TMEM184A: variants seen among roughly 807,000 people sequenced by gnomAD.
TMEM184A encodes sexually dimorphic, expressed in male gonads 1.
In TMEM184A, 40 loss-of-function variants were observed where a neutral mutation model predicts 39.5. That is an observed-to-expected ratio of 1.01 (90% CI 0.79 to 1.32). The LOEUF (loss-of-function observed/expected upper bound fraction) is 1.32, where lower values mean the gene tolerates loss of function less well. TMEM184A is among the 40% of genes most tolerant of loss of function. The pLI is 0.00. For missense variants in TMEM184A, 603 were observed against 568.8 expected, an observed-to-expected ratio of 1.06 and a Z score of -0.61; for synonymous variants, 280 against 252.3, an observed-to-expected ratio of 1.11 and a Z score of -1.04.
chr7:1,548,116 G>A (rs949445431), intron 7 of TMEM184A, among the ~76,000 whole-genome samples, 177 bp from the exon 8 acceptor site: 6 of 152,260 alleles, frequency 3.9e-5, no homozygotes, highest in East Asian at 1.9e-4. Flanking sequence ...CGGGGGTCTC[G>A]GCACAGCAGG....
Position 1,547,038 on chromosome 7 carries a change from C to G in TMEM184A, c.1156G>C (p.Gly386Arg). 6.2e-7 allele frequency: 1 copy of G among 1,606,242 alleles called. No individual in the cohort carries two copies. The highest frequency in any genetic ancestry group is 8.5e-7 in the Non-Finnish European group (1 of 1,179,232). The part of the protein sequence containing the change: ...QQATHEAPRP[G>R]THPSGGSGGS... ...CCGGAGCCGCCGCTGGGGTGGGTGC[C>G]GGGCCTGGGCGCCTCGTGCGTGGCC... Residue 386 changes from glycine (G) to arginine (R), a missense_variant, in exon 9 of 9, where the codon GGC (glycine) becomes CGC (arginine). Transcript: ENST00000297477.
rs763791717 is a variant in TMEM184A at position 1,555,524 on chromosome 7, G to A, written c.1-40C>T. 2.0e-6 allele frequency: 3 copies of A among 1,525,046 alleles called. No homozygotes were observed. Among genetic ancestry groups the A allele is most frequent in the South Asian group, 1.1e-5 (1 of 89,678 alleles). 94.5% of individuals were successfully genotyped at this position (1,525,046 alleles called of 1,614,324 possible). On this transcript the variant is annotated intron_variant, in intron 1 of 8. Coordinates refer to ENST00000297477, the MANE Select transcript of TMEM184A (RefSeq NM_001097620.2). This position sits in a 1 kb window ranked among gnomAD's most constrained non-coding sequence, Gnocchi z 5.2. ...AGGACACACACCGGGAGGAGTGAGG[G>A]CAAAGGTACTGGCTCCCGGCAGCAG...
intron 7 of TMEM184A, 84 bp from the exon 8 acceptor site, chr7:1,548,023 C>T: frequency 7.0e-7 from 1 of 1,424,174 alleles, no homozygotes; most frequent in African/African-American, 1.4e-5. Context: ...AGCGGCTCCT[C>T]TGACGGGTGC....
chr7:1,547,708 G>A (rs369886251), intron 8 of TMEM184A, 34 bp downstream of exon 8: 36 of 1,585,688 alleles, frequency 2.3e-5, no homozygotes, highest in Non-Finnish European at 2.8e-5. Context: ...AGGGCTGTGC[G>A]CTCCGGGTGC....
At chr7:1,550,687 C>T in intron 3 of TMEM184A, 130 bp downstream of exon 3, 2 of 1,221,664 alleles carry the variant, frequency 1.6e-6, no homozygotes, top group East Asian at 2.4e-5. Context: ...CCCTGACTAT[C>T]CTGGCAGCCC....
Position 1,549,922 on chromosome 7 carries a change from C to T in TMEM184A, c.576G>A (p.Val192=). The T allele has an allele frequency of 6.2e-7, 1 of 1,612,846 alleles. No individual in the cohort carries two copies. Among genetic ancestry groups the T allele is most frequent in the Non-Finnish European group, 8.5e-7 (1 of 1,179,590 alleles). ...TGGTGGTGACGGCCATGACGGGCTTCACCAGGCAGAACTGCAGAGTGGCCT... is the reference window on the plus strand; with the variant it reads ...TGGTGGTGACGGCCATGACGGGCTTTACCAGGCAGAACTGCAGAGTGGCCT... ...CKQATLQFCL[V]KPVMAVTTII... The change falls in exon 6 of 9, where the codon GTG becomes GTA. Residue 192 remains valine (V), a synonymous_variant. Transcript: ENST00000297477.
Position 1,546,113 on chromosome 7 carries a change from CA to C in TMEM184A, c.*838del, listed in dbSNP as rs1784336432. 6.5e-6 allele frequency: 1 copy of C among 152,702 alleles called. No individual in the cohort carries two copies. Among genetic ancestry groups the C allele is most frequent in the Non-Finnish European group, 1.5e-5 (1 of 68,248 alleles). 9.5% of individuals were successfully genotyped at this position (152,702 alleles called of 1,614,324 possible). On this transcript the variant is annotated 3_prime_UTR_variant, in exon 9 of 9. Transcript: ENST00000297477. ...CCCTGGACCACGAGGCTGCCCACCCCAGACAGGTGGGACCCCTTTCCCGCAT... is the reference window on the plus strand; with the variant it reads ...CCCTGGACCACGAGGCTGCCCACCCCGACAGGTGGGACCCCTTTCCCGCAT...
In TMEM184A at chr7:1,550,120, C is replaced by T. The variant is rs1228533537; in HGVS notation, c.552+3G>A. 2 of 1,599,980 alleles carry T rather than the reference C, an allele frequency of 1.3e-6. No homozygotes were observed. The highest frequency in any genetic ancestry group is 1.7e-5 in the Admixed American group (1 of 58,192). ...GGGCGGGCAGGGCTGGGTGGCCCCT[C>T]ACCTGCTTACAGAAGCGCAGGAACC... On this transcript the variant is annotated splice_donor_region_variant and intron_variant, in intron 5 of 8. Coordinates refer to ENST00000297477, the MANE Select transcript of TMEM184A (RefSeq NM_001097620.2).
In TMEM184A at chr7:1,548,944, G is replaced by C. The variant is rs760790723; in HGVS notation, c.645-256C>G. The C allele has an allele frequency of 9.4e-6, 6 of 640,964 alleles. No individual in the cohort carries two copies. In the East Asian group the frequency reaches 1.3e-4, roughly 14 times the overall value. 39.7% of individuals were successfully genotyped at this position (640,964 alleles called of 1,614,324 possible). On this transcript the variant is annotated intron_variant, in intron 6 of 8. Transcript: ENST00000297477. ...CTCCCTACCGGCCCTGCTCCTCCTC[G>C]TCCCAGGATCCTGTCCACTGCTCAG... is the stretch of plus-strand genomic sequence containing the variant.
chr7:1,553,397 C>T (rs1562562250), intron 2 of TMEM184A, among the ~76,000 whole-genome samples: 1 of 152,202 alleles, frequency 6.6e-6, no homozygotes, highest in Non-Finnish European at 1.5e-5. Flanking sequence ...GGGTGATCCA[C>T]CCGCCTTGGC....
chr7:1,553,975 C>A (rs987363672), intron 2 of TMEM184A, among the ~76,000 whole-genome samples: 1 of 152,138 alleles, frequency 6.6e-6, no homozygotes, highest in African/African-American at 2.4e-5. Context: ...TACAGCCGCG[C>A]ACACACAGCC....
At chr7:1,550,789 C>T (rs988303806) in intron 3 of TMEM184A, 28 bp downstream of exon 3, 3 of 1,609,888 alleles carry the variant, frequency 1.9e-6, no homozygotes, top group Non-Finnish European at 2.5e-6. Context: ...CCCTCCGCTC[C>T]CCCGACCTGA....
At chr7:1,549,369 T>TG (rs1784489818) in intron 6 of TMEM184A, 2 of 244,584 alleles carry the variant, frequency 8.2e-6, no homozygotes, top group African/African-American at 9.4e-5. Flanking sequence ...GGGGTCCTCC[T>TG]TGTGCTGGGT....
chr7:1,553,955 A>C (rs1255420152), intron 2 of TMEM184A, among the ~76,000 whole-genome samples: 1 of 152,094 alleles, frequency 6.6e-6, no homozygotes, highest in East Asian at 1.9e-4. Flanking sequence ...CCATGAAGCT[A>C]AAGCCACACT....
chr7:1,549,856 G>A lies in TMEM184A; in HGVS notation c.642C>T (p.Phe214=). 6.2e-7 allele frequency: 1 copy of A among 1,602,060 alleles called. No homozygotes were observed. The highest frequency in any genetic ancestry group is 8.5e-7 in the Non-Finnish European group (1 of 1,173,422). Residue 214 remains phenylalanine (F), a splice_region_variant and synonymous_variant, in exon 6 of 9, where the codon TTC becomes TTT. Coordinates refer to ENST00000297477, the MANE Select transcript of TMEM184A (RefSeq NM_001097620.2). ...TGTCCCCGCAGCTCCCGCCTTACTT[G>A]AAGTCCCCGTCGTGGTATTTGCCAA... ...QAFGKYHDGD[F]NVRSGYLYVT...
chr7:1,545,755 G>A lies in TMEM184A; in HGVS notation c.*1197C>T, dbSNP rs550252051. The A allele has an allele frequency of 6.6e-6, 1 of 152,652 alleles. No homozygotes were observed. Among genetic ancestry groups the A allele is most frequent in the African/African-American group, 2.4e-5 (1 of 41,584 alleles). 9.5% of individuals were successfully genotyped at this position (152,652 alleles called of 1,614,324 possible). A position where few individuals can be genotyped will look rare whatever the true frequency, so the allele number is the denominator to read the frequency against. On this transcript the variant is annotated 3_prime_UTR_variant, in exon 9 of 9. Coordinates refer to ENST00000297477, the MANE Select transcript of TMEM184A (RefSeq NM_001097620.2). The stretch of plus-strand genomic sequence containing the variant: ...CCTCCCAGAAGCCCCCTTAGTCCCT[G>A]GGCGGCTACTGTTCTTGCGGCCGCG...
Position 1,555,193 on chromosome 7 carries a change from G to T in TMEM184A, c.219+73C>A. 1.5e-6 allele frequency: 2 copies of T among 1,299,978 alleles called. No individual in the cohort carries two copies. The highest frequency in any genetic ancestry group is 2.1e-6 in the Non-Finnish European group (2 of 954,220). 80.5% of individuals were successfully genotyped at this position (1,299,978 alleles called of 1,614,324 possible). ...CGTCTATAGCAGCGGCACCCAGGGG[G>T]ACCGGGCTGAGCCACGGCCACGTCC... is the stretch of plus-strand genomic sequence containing the variant. On this transcript the variant is annotated intron_variant, in intron 2 of 8. Coordinates refer to ENST00000297477, the MANE Select transcript of TMEM184A (RefSeq NM_001097620.2). The surrounding 1 kb of genome is among the most constrained non-coding windows in gnomAD (Gnocchi z 5.2).
In TMEM184A at chr7:1,543,585, C is replaced by T. The variant is rs1784255286; in HGVS notation, c.*3367G>A. Reference sequence around the variant, plus strand: ...TTCCCCGTTTTTGGGGCTGAGCTGACCGAGGTGTGAACGCTGTTCAGTGCT... The same window carrying T: ...TTCCCCGTTTTTGGGGCTGAGCTGATCGAGGTGTGAACGCTGTTCAGTGCT... On this transcript the variant is annotated 3_prime_UTR_variant, in exon 9 of 9. Coordinates refer to ENST00000297477, the MANE Select transcript of TMEM184A (RefSeq NM_001097620.2). 6.6e-6 allele frequency: 1 copy of T among 152,258 alleles called. No individual in the cohort carries two copies. The highest frequency in any genetic ancestry group is 1.9e-4 in the East Asian group (1 of 5,184). The allele number at this position is 152,258 out of a possible 1,614,324, so 9.4% of individuals were successfully genotyped here. A position where few individuals can be genotyped will look rare whatever the true frequency, so the allele number is the denominator to read the frequency against.
chr7:1,555,824 C>G lies in TMEM184A; in HGVS notation c.-1+290G>C, dbSNP rs1778541568. On this transcript the variant is annotated intron_variant, in intron 1 of 8. Transcript: ENST00000297477. This position sits in a 1 kb window ranked among gnomAD's most constrained non-coding sequence, Gnocchi z 5.2. ...CCAGTGGGGCAGAAGAGGGGGAACC[C>G]CTGCCGCCCTGCCTGCCCGGGAGGG... 1 of 346,900 alleles carries G rather than the reference C, an allele frequency of 2.9e-6. No homozygotes were observed. Among genetic ancestry groups the G allele is most frequent in the Non-Finnish European group, 5.3e-6 (1 of 186,920 alleles). The allele number at this position is 346,900 out of a possible 1,614,324, so 21.5% of individuals were successfully genotyped here.
Sources: gnomAD v4.1 joint callset for allele counts (sites outside exome capture counted in the v4.1 genomes callset) on GRCh38, gnomAD v4.1.1 for gene constraint, Gnocchi (gnomAD v3.1) non-coding constraint, MANE v1.5 for transcripts, NCBI Gene and HGNC (gene_info 2026-07-23, HGNC 2026-07-21) for gene names.